CHCHD6: variants seen among roughly 807,000 people sequenced by gnomAD.
CHCHD6 encodes the protein MICOS complex subunit MIC25.
A neutral mutation model predicts 32.3 loss-of-function variants in CHCHD6; 28 were observed. The observed-to-expected ratio is 0.87, with a 90% CI of 0.64 to 1.19. CHCHD6 has a LOEUF of 1.19. CHCHD6 is among the 50% of genes most tolerant of loss of function. The pLI is 0.00. For synonymous variants in CHCHD6, 122 were observed against 117.5 expected (o/e 1.04, Z -0.25); for missense variants, 333 against 307.0 (o/e 1.08, Z -0.63).
chr3:126,871,656 C>G (rs1050626709), intron 5 of CHCHD6, among the ~76,000 whole-genome samples: 2 of 151,426 alleles, frequency 1.3e-5, no homozygotes, highest in South Asian at 4.2e-4. Flanking sequence ...CCCCCGACCC[C>G]CCAACTTTTT....
chr3:126,735,679 C>CAT (rs1332979450), intron 4 of CHCHD6, among the ~76,000 whole-genome samples: 1 of 152,178 alleles, frequency 6.6e-6, no homozygotes, highest in Non-Finnish European at 1.5e-5. Context: ...GGGAGTTCCT[C>CAT]ATTGTCTCTC....
chr3:126,728,703 C>T (rs1417533051), intron 2 of CHCHD6, among the ~76,000 whole-genome samples: 3 of 152,158 alleles, frequency 2.0e-5, no homozygotes, highest in South Asian at 2.1e-4. Flanking sequence ...GCGAAAATTG[C>T]CATAATATAT....
At chr3:126,892,057 A>G (rs1046081550) in intron 5 of CHCHD6, among the ~76,000 whole-genome samples, 6 of 152,170 alleles carry the variant, frequency 3.9e-5, no homozygotes, top group African/African-American at 1.4e-4. Flanking sequence ...ACAACGTCTC[A>G]CAGCCTTCAT....
intron 1 of CHCHD6, among the ~76,000 whole-genome samples, chr3:126,711,710 T>C (rs116739523): frequency 2.3e-3 from 351 of 152,354 alleles, no homozygotes; most frequent in African/African-American, 7.6e-3. Context: ...GGTTGCGTTA[T>C]AGATCGTCTC....
chr3:126,708,991 C>T (rs1934630834), intron 1 of CHCHD6, among the ~76,000 whole-genome samples: 1 of 152,134 alleles, frequency 6.6e-6, no homozygotes, highest in South Asian at 2.1e-4. Flanking sequence ...GCTCAAGTCC[C>T]TAATGGAAAA....
At chr3:126,833,054 A>G (rs138059082) in intron 4 of CHCHD6, among the ~76,000 whole-genome samples, 44 of 152,348 alleles carry the variant, frequency 2.9e-4, no homozygotes, top group African/African-American at 9.6e-4. Flanking sequence ...GTGACACAGT[A>G]TTCATAGGCA....
intron 4 of CHCHD6, among the ~76,000 whole-genome samples, chr3:126,847,182 G>C (rs1196950495): frequency 6.6e-6 from 1 of 152,126 alleles, no homozygotes; most frequent in African/African-American, 2.4e-5. Flanking sequence ...GGCTTAGCTG[G>C]GTGCCTCTGC....
chr3:126,731,350 G>T (rs1469707312), intron 3 of CHCHD6, among the ~76,000 whole-genome samples: 1 of 152,130 alleles, frequency 6.6e-6, no homozygotes, highest in Non-Finnish European at 1.5e-5. Context: ...TGTCGCCGGA[G>T]AAGTTTTAGC....
chr3:126,958,640 G>A (rs9790017), intron 7 of CHCHD6, among the ~76,000 whole-genome samples: 85,043 of 152,126 alleles, frequency 0.56, 26,123 homozygotes, highest in Non-Finnish European at 0.69. Flanking sequence ...GTCCAGCACC[G>A]ACTGTCCCTT....
chr3:126,929,508 C>G (rs184461963), intron 6 of CHCHD6, among the ~76,000 whole-genome samples: 131 of 152,212 alleles, frequency 8.6e-4, no homozygotes, highest in Middle Eastern at 3.4e-3. Context: ...CTGGTAGATT[C>G]AGTTCAGCCC....
At chr3:126,729,501 C>G (rs1440007561) in intron 2 of CHCHD6, among the ~76,000 whole-genome samples, 1 of 152,106 alleles carries the variant, frequency 6.6e-6, no homozygotes, top group African/African-American at 2.4e-5. Flanking sequence ...AGCAAAAATA[C>G]CAGACATTAA....
At chr3:126,767,282 T>C in intron 4 of CHCHD6, 1 of 1,225,258 alleles carries the variant, frequency 8.2e-7, no homozygotes, top group Non-Finnish European at 1.2e-6. Context: ...AAGGCCCAGC[T>C]GCCCCATCTT....
At chr3:126,707,347 G>A (rs73859586) in intron 1 of CHCHD6, among the ~76,000 whole-genome samples, 4,847 of 151,984 alleles carry the variant, frequency 0.032, 263 homozygotes, top group African/African-American at 0.11. Flanking sequence ...TGTTCAAACC[G>A]TAATTCCATG....
At position 126,810,133 on chromosome 3, in the gene CHCHD6, A is replaced by G. The variant is rs545571293; in HGVS notation, c.412-42514A>G. On this transcript the variant is annotated intron_variant, in intron 4 of 7. Coordinates refer to ENST00000290913, the MANE Select transcript of CHCHD6 (RefSeq NM_032343.3). Reference sequence around the variant, plus strand: ...ATGGATCAATGTCTTTAAAATCCCAAAAGAACAAAATTTAATTTCAGAGAA... The same window carrying G: ...ATGGATCAATGTCTTTAAAATCCCAGAAGAACAAAATTTAATTTCAGAGAA... Among the ~76,000 whole-genome samples, 8 of 152,352 alleles carry G rather than the reference A, an allele frequency of 5.3e-5. No homozygotes were observed. The South Asian group carries it at 1.5e-3, about 28-fold the overall frequency.
chr3:126,952,920 G>A (rs1321092341), intron 6 of CHCHD6: 1 of 972,072 alleles, frequency 1.0e-6, no homozygotes, highest in African/African-American at 1.8e-5. Flanking sequence ...CCAGGGACCA[G>A]GACCCATGTG....
intron 4 of CHCHD6, among the ~76,000 whole-genome samples, chr3:126,770,767 G>A (rs1559833693): frequency 6.6e-6 from 1 of 152,290 alleles, no homozygotes; most frequent in East Asian, 1.9e-4. Context: ...TGTTTATCAA[G>A]GATATTGGGC....
At chr3:126,732,151 A>G (rs1173779555) in intron 3 of CHCHD6, among the ~76,000 whole-genome samples, 1 of 152,016 alleles carries the variant, frequency 6.6e-6, no homozygotes, top group Non-Finnish European at 1.5e-5. Flanking sequence ...GTACTTTTAA[A>G]CATTTTAAAA....
chr3:126,917,804 C>T (rs1362129053), intron 6 of CHCHD6, among the ~76,000 whole-genome samples: 3 of 152,126 alleles, frequency 2.0e-5, no homozygotes, highest in African/African-American at 7.2e-5. Flanking sequence ...AGCTCCCTTT[C>T]CTTTTCTACC....
chr3:126,896,027 A>AG (rs1398318092), intron 5 of CHCHD6, among the ~76,000 whole-genome samples: 3 of 152,212 alleles, frequency 2.0e-5, no homozygotes, highest in African/African-American at 7.2e-5. Flanking sequence ...CTGTGCCCCC[A>AG]GGGTTGCCTA....
Sources: gnomAD v4.1 joint callset for allele counts (sites outside exome capture counted in the v4.1 genomes callset) on GRCh38, gnomAD v4.1.1 for gene constraint, MANE v1.5 for transcripts, NCBI Gene and HGNC (gene_info 2026-07-23, HGNC 2026-07-21) for gene names.